Variants in YEATS4 observed in about 807,000 individuals in gnomAD.
The protein encoded by YEATS4 is YEATS domain containing 4.
In YEATS4, 17 loss-of-function variants were observed where a neutral mutation model predicts 30.1. That is an observed-to-expected ratio of 0.56 (90% CI 0.39 to 0.85). The LOEUF (loss-of-function observed/expected upper bound fraction) is 0.85, where lower values mean the gene tolerates loss of function less well. YEATS4 is among the 40% of genes least tolerant of loss of function. The probability of loss-of-function intolerance (pLI) is 0.00; values close to 1 mark genes in which losing one functional copy is unlikely to be tolerated. For missense variants in YEATS4, 142 were observed against 268.3 expected, an observed-to-expected ratio of 0.53 and a Z score of 3.29; for synonymous variants, 85 against 87.5, an observed-to-expected ratio of 0.97 and a Z score of 0.16.
intron 6 of YEATS4, among the ~76,000 whole-genome samples, chr12:69,371,357 G>A (rs1329099217): frequency 6.6e-6 from 1 of 152,158 alleles, no homozygotes; most frequent in Non-Finnish European, 1.5e-5. Flanking sequence ...CTGTGAACTA[G>A]TTTATCTTAT....
rs371396537 is a variant in YEATS4 at position 69,362,823 on chromosome 12, T to C, written c.87T>C (p.Asn29=). The C allele has an allele frequency of 1.2e-6, 2 of 1,612,066 alleles. No individual in the cohort carries two copies. Among genetic ancestry groups the C allele is most frequent in the African/African-American group, 1.3e-5 (1 of 74,966 alleles). ...TCGTTAAACCAATAGTTTACGGTAA[T>C]GTTGCTCGGTATTTTGGAAAGAAAA... ...VTIVKPIVYG[N]VARYFGKKRE... is the part of the protein sequence containing the mutation. The change falls in exon 2 of 7, where the codon AAT becomes AAC. Residue 29 remains asparagine, a synonymous_variant. Coordinates refer to ENST00000247843, the MANE Select transcript of YEATS4 (RefSeq NM_006530.4).
At chr12:69,364,968 A>G (rs1875371836) in intron 2 of YEATS4, among the ~76,000 whole-genome samples, 1 of 152,092 alleles carries the variant, frequency 6.6e-6, no homozygotes, top group African/African-American at 2.4e-5. Context: ...TTTGCCTTAT[A>G]TTTCTGTAAT....
chr12:69,364,794 A>G (rs895755427), intron 2 of YEATS4, among the ~76,000 whole-genome samples: 2 of 151,776 alleles, frequency 1.3e-5, no homozygotes, highest in Admixed American at 6.6e-5. Context: ...AATTTTTTGT[A>G]TTTTTAGTAG....
the YEATS4 span, among the ~76,000 whole-genome samples, chr12:69,416,578 A>C: frequency 6.6e-6 from 1 of 152,100 alleles, no homozygotes; most frequent in Non-Finnish European, 1.5e-5. Flanking sequence ...GCAGCCCAAG[A>C]AGCACCTGGG....
downstream of YEATS4, among the ~76,000 whole-genome samples, chr12:69,393,711 T>C (rs1286483941): frequency 6.6e-6 from 1 of 152,068 alleles, no homozygotes. Context: ...GGAAAGGGGA[T>C]GGTAGGGGGA....
the YEATS4 span, among the ~76,000 whole-genome samples, chr12:69,417,150 A>T: frequency 0.27 from 36,574 of 133,704 alleles, 4,511 homozygotes; most frequent in East Asian, 0.51. Context: ...AACATTTTTT[A>T]AAAATTTTTT....
In YEATS4 at chr12:69,362,981, A is replaced by AATTTTTTTTTTTTTTTTTTTTTTTTTTT. The variant is rs1198849494; in HGVS notation, c.171+74_171+75insATTTTTTTTTTTTTTTTTTTTTTTTTTT. ...TTTGTTTTGCTTAAAGACAACCTGTAGTTTTTTTTTTTTTTTTTTTTTTTT... is the reference window on the plus strand; with the variant it reads ...TTTGTTTTGCTTAAAGACAACCTGTAATTTTTTTTTTTTTTTTTTTTTTTTTTTGTTTTTTTTTTTTTTTTTTTTTTTT... On this transcript the variant is annotated intron_variant, in intron 2 of 6. Coordinates refer to ENST00000247843, the MANE Select transcript of YEATS4 (RefSeq NM_006530.4). 4 of 307,590 alleles carry AATTTTTTTTTTTTTTTTTTTTTTTTTTT rather than the reference A, an allele frequency of 1.3e-5. 2 individuals are homozygous for AATTTTTTTTTTTTTTTTTTTTTTTTTTT. Among genetic ancestry groups the AATTTTTTTTTTTTTTTTTTTTTTTTTTT allele is most frequent in the African/African-American group, 7.2e-5 (2 of 27,712 alleles). 19.1% of individuals were successfully genotyped at this position (307,590 alleles called of 1,614,324 possible). A position where few individuals can be genotyped will look rare whatever the true frequency, so the allele number is the denominator to read the frequency against.
chr12:69,388,776 G>T (rs1230829904), intron 6 of YEATS4, among the ~76,000 whole-genome samples: 2 of 152,050 alleles, frequency 1.3e-5, no homozygotes, highest in Non-Finnish European at 2.9e-5. Context: ...CAGTATTCTG[G>T]GTACTTTACA....
chr12:69,394,974 A>T (rs1311939715), downstream of YEATS4, among the ~76,000 whole-genome samples: 3 of 152,146 alleles, frequency 2.0e-5, no homozygotes, highest in South Asian at 4.1e-4. Flanking sequence ...TTTTAGATTT[A>T]AAAAAAGCAA....
At chr12:69,424,221 G>A in the YEATS4 span, among the ~76,000 whole-genome samples, 2 of 152,194 alleles carry the variant, frequency 1.3e-5, no homozygotes, top group East Asian at 3.9e-4. Flanking sequence ...ATCATGATTA[G>A]TTGGCTTTTT....
intron 6 of YEATS4, among the ~76,000 whole-genome samples, chr12:69,384,378 A>G (rs950678570): frequency 3.3e-5 from 5 of 152,204 alleles, no homozygotes; most frequent in Admixed American, 1.3e-4. Context: ...ATCTGTTTCA[A>G]TGTGTTAAAT....
chr12:69,417,154 A>ATT, the YEATS4 span, among the ~76,000 whole-genome samples: 37 of 68,130 alleles, frequency 5.4e-4, no homozygotes, highest in African/African-American at 7.0e-4. Context: ...TTTTTTAAAA[A>ATT]TTTTTTTTTT....
chr12:69,368,103 C>G (rs993840560), intron 4 of YEATS4, among the ~76,000 whole-genome samples: 1 of 152,078 alleles, frequency 6.6e-6, no homozygotes, highest in African/African-American at 2.4e-5. Context: ...ATTTTATTCT[C>G]TAAAAAATAT....
At chr12:69,397,571 G>T in the YEATS4 span, among the ~76,000 whole-genome samples, 5 of 152,228 alleles carry the variant, frequency 3.3e-5, no homozygotes, top group East Asian at 9.6e-4. Context: ...TGTAAGACAT[G>T]CCTTTGCTCA....
intron 2 of YEATS4, chr12:69,364,061 A>G (rs1339438355): frequency 3.6e-6 from 1 of 281,616 alleles, no homozygotes; most frequent in Non-Finnish European, 7.3e-6. Flanking sequence ...GGTGGGGGAG[A>G]AAGGGTATTG....
the YEATS4 span, among the ~76,000 whole-genome samples, chr12:69,398,479 C>A: frequency 6.6e-6 from 1 of 151,936 alleles, no homozygotes; most frequent in East Asian, 1.9e-4. Context: ...AAATAAAATA[C>A]TTGGGAATAT....
At chr12:69,399,200 C>T in the YEATS4 span, among the ~76,000 whole-genome samples, 1 of 150,500 alleles carries the variant, frequency 6.6e-6, no homozygotes, top group African/African-American at 2.4e-5. Context: ...AAAGGACATT[C>T]TAAAAAAAGT....
At chr12:69,388,135 A>G (rs1565682966) in intron 6 of YEATS4, among the ~76,000 whole-genome samples, 1 of 151,332 alleles carries the variant, frequency 6.6e-6, no homozygotes, top group Non-Finnish European at 1.5e-5. Context: ...ATCTCGGCTC[A>G]CTGCAAGCTC....
intron 2 of YEATS4, 46 bp downstream of exon 2, chr12:69,362,953 T>G: frequency 6.8e-7 from 1 of 1,465,918 alleles, no homozygotes; most frequent in South Asian, 1.4e-5. Context: ...AAGTTGTCTG[T>G]AATTTGTTTT....
Sources: gnomAD v4.1 joint callset for allele counts (sites outside exome capture counted in the v4.1 genomes callset) on GRCh38, gnomAD v4.1.1 for gene constraint, MANE v1.5 for transcripts, NCBI Gene and HGNC (gene_info 2026-07-23, HGNC 2026-07-21) for gene names.